Variants in DCLK1 observed in about 807,000 individuals in gnomAD.
The protein encoded by DCLK1 is doublecortin like kinase 1, also known as serine/threonine-protein kinase DCLK1.
In DCLK1, 16 loss-of-function variants were observed where a neutral mutation model predicts 86.2. The observed-to-expected ratio is 0.19, with a 90% CI of 0.13 to 0.28. The LOEUF (loss-of-function observed/expected upper bound fraction) is 0.28, where lower values mean the gene tolerates loss of function less well. Among genes scored for constraint, DCLK1 ranks in the 10% least tolerant of loss-of-function variants. The pLI, the probability that DCLK1 is intolerant of heterozygous loss-of-function variation, is 1.00. For missense variants in DCLK1, 590 were observed against 940.2 expected (o/e 0.63, Z 4.87); for synonymous variants, 369 against 370.5 (o/e 1.00, Z 0.05).
intron 3 of DCLK1, among the ~76,000 whole-genome samples, chr13:36,015,258 G>T (rs1881495763): frequency 6.6e-6 from 1 of 152,128 alleles, no homozygotes; most frequent in Non-Finnish European, 1.5e-5. Flanking sequence ...AAGCTTTCCT[G>T]TTTAGCTTGA....
At chr13:35,893,376 C>A (rs1361826) in intron 4 of DCLK1, among the ~76,000 whole-genome samples, 1 of 152,358 alleles carries the variant, frequency 6.6e-6, no homozygotes, top group Non-Finnish European at 1.5e-5. Flanking sequence ...CCTTAAAGAA[C>A]AAAGGCAAGC....
intron 3 of DCLK1, among the ~76,000 whole-genome samples, chr13:36,017,789 T>C (rs1881598536): frequency 6.6e-6 from 1 of 152,140 alleles, no homozygotes; most frequent in Non-Finnish European, 1.5e-5. Flanking sequence ...TTTTATTTCT[T>C]ACATCCCACA....
chr13:35,778,369 G>A (rs1566526630), intron 16 of DCLK1, among the ~76,000 whole-genome samples: 1 of 152,066 alleles, frequency 6.6e-6, no homozygotes, highest in African/African-American at 2.4e-5. Flanking sequence ...TTCCTTTACT[G>A]GACACTTGAT....
Position 36,008,297 on chromosome 13 carries a change from T to G in DCLK1, c.724-60840A>C, listed in dbSNP as rs1176160521. On this transcript the variant is annotated intron_variant, in intron 3 of 16. Transcript: ENST00000360631. ...TGCAGGTTAGTTACATATGTATACATGTGCCATGCTGGTGCGCTGCACCCA... is the reference window on the plus strand; with the variant it reads ...TGCAGGTTAGTTACATATGTATACAGGTGCCATGCTGGTGCGCTGCACCCA... Among the ~76,000 whole-genome samples the G allele has an allele frequency of 4.2e-5, 5 of 120,412 alleles. No homozygotes were observed. The East Asian group carries it at 1.4e-3, about 33-fold the overall frequency. The allele number at this position is 120,412 out of a possible 152,430, so 79.0% of individuals were successfully genotyped here. A position where few individuals can be genotyped will look rare whatever the true frequency, so the allele number is the denominator to read the frequency against.
At chr13:35,792,216 A>G (rs1011371858) in intron 16 of DCLK1, among the ~76,000 whole-genome samples, 3 of 152,218 alleles carry the variant, frequency 2.0e-5, no homozygotes, top group Non-Finnish European at 4.4e-5. Flanking sequence ...CACTATTGAA[A>G]GGGTTCAATC....
intron 3 of DCLK1, among the ~76,000 whole-genome samples, chr13:36,014,535 A>G (rs982993155): frequency 2.0e-5 from 3 of 152,196 alleles, no homozygotes; most frequent in African/African-American, 7.2e-5. Context: ...TCTAATACAG[A>G]TGAAAGCCCA....
At position 35,996,289 on chromosome 13, in the gene DCLK1, C is replaced by T. The variant is rs377647166; in HGVS notation, c.724-48832G>A. ...TTAAGAAGGAGAGATAGATTAAGGC[C>T]TCCCGTCTTCATCATTCGCTTCAGT... On this transcript the variant is annotated intron_variant, in intron 3 of 16. Transcript: ENST00000360631. 2.0e-3 allele frequency among the ~76,000 whole-genome samples: 305 copies of T among 152,292 alleles called. 1 individual carries two copies. In the Middle Eastern group the frequency reaches 0.02, roughly 10 times the overall value.
At chr13:36,026,490 C>T (rs955053776) in intron 3 of DCLK1, among the ~76,000 whole-genome samples, 1 of 152,186 alleles carries the variant, frequency 6.6e-6, no homozygotes, top group Non-Finnish European at 1.5e-5. Context: ...ATCCATACTA[C>T]ATCTAAGACA....
intron 16 of DCLK1, among the ~76,000 whole-genome samples, chr13:35,776,308 T>TA (rs531983427): frequency 2.0e-4 from 30 of 152,096 alleles, no homozygotes; most frequent in East Asian, 3.9e-4. Flanking sequence ...TGAATGTTTG[T>TA]AAAAAAAACA....
intron 3 of DCLK1, among the ~76,000 whole-genome samples, chr13:36,032,060 T>C (rs1435834941): frequency 9.2e-5 from 14 of 152,350 alleles, no homozygotes; most frequent in Admixed American, 9.1e-4. Flanking sequence ...AACCCCACAG[T>C]GGGTTGTCAA....
intron 6 of DCLK1, among the ~76,000 whole-genome samples, chr13:35,845,588 G>A (rs1326080728): frequency 6.6e-6 from 1 of 152,138 alleles, no homozygotes; most frequent in Non-Finnish European, 1.5e-5. Context: ...TCCTCAATGA[G>A]TTATCGATAT....
intron 4 of DCLK1, among the ~76,000 whole-genome samples, chr13:35,917,346 A>G (rs931351421): frequency 6.6e-6 from 1 of 151,578 alleles, no homozygotes; most frequent in Non-Finnish European, 1.5e-5. Flanking sequence ...AACTAAAACA[A>G]TAACGCTGGA....
intron 6 of DCLK1, among the ~76,000 whole-genome samples, chr13:35,844,378 C>T (rs953576929): frequency 1.3e-5 from 2 of 152,186 alleles, no homozygotes; most frequent in African/African-American, 2.4e-5. Context: ...GACAAATGCA[C>T]TTAGTTACAA....
rs1470740227 is a variant in DCLK1 at position 36,125,995 on chromosome 13, T to C, written c.143A>G (p.Gln48Arg). The C allele has an allele frequency of 6.2e-7, 1 of 1,614,176 alleles. No individual in the cohort carries two copies. The highest frequency in any genetic ancestry group is 8.5e-7 in the Non-Finnish European group (1 of 1,180,014). ...GGCCTTCTTCTCGGAGCTGAGCGTCTGCAGCGTGCGGGTGCGGTAGAAGCT... is the reference window on the plus strand; with the variant it reads ...GGCCTTCTTCTCGGAGCTGAGCGTCCGCAGCGTGCGGGTGCGGTAGAAGCT... ...HCSFYRTRTLQTLSSEKKAKK... is the reference protein window; with the variant it reads ...HCSFYRTRTLRTLSSEKKAKK... Residue 48 changes from glutamine (Q) to arginine (R), a missense_variant, in exon 2 of 17, where the codon CAG (glutamine) becomes CGG (arginine). Gln to Arg is a conservative substitution (Grantham distance 43). Coordinates refer to ENST00000360631, the MANE Select transcript of DCLK1 (RefSeq NM_001330071.2).
At chr13:35,973,380 A>G (rs1038006681) in intron 3 of DCLK1, among the ~76,000 whole-genome samples, 1 of 152,174 alleles carries the variant, frequency 6.6e-6, no homozygotes, top group Non-Finnish European at 1.5e-5. Context: ...TTCAGGACTC[A>G]GAGCAGGGCC....
chr13:35,771,965 C>T lies in DCLK1; in HGVS notation c.*2570G>A, dbSNP rs2086340525. The T allele has an allele frequency of 6.6e-6, 1 of 152,206 alleles. No individual in the cohort carries two copies. The highest frequency in any genetic ancestry group is 1.5e-5 in the Non-Finnish European group (1 of 68,042). 9.4% of individuals were successfully genotyped at this position (152,206 alleles called of 1,614,324 possible). Reference sequence around the variant, plus strand: ...AAGCACTGGCTAAAAGCAAAGCAATCTGGATACACCAATGTAGTCAGCATG... The same window carrying T: ...AAGCACTGGCTAAAAGCAAAGCAATTTGGATACACCAATGTAGTCAGCATG... On this transcript the variant is annotated 3_prime_UTR_variant, in exon 17 of 17. Transcript: ENST00000360631.
chr13:35,853,233 T>A (rs1870783025), intron 6 of DCLK1, among the ~76,000 whole-genome samples: 3 of 152,168 alleles, frequency 2.0e-5, no homozygotes, highest in Admixed American at 1.3e-4. Flanking sequence ...GGAGGTAGAA[T>A]GGAATTATTG....
Position 35,800,735 on chromosome 13 carries a change from T to A in DCLK1, c.1944+4964A>T, listed in dbSNP as rs571293756. On this transcript the variant is annotated intron_variant, in intron 15 of 16. Coordinates refer to ENST00000360631, the MANE Select transcript of DCLK1 (RefSeq NM_001330071.2). ...TCTTTCTTTTTGTTTGTTTGTTTTTTGAGACAGAGTCTCCCTCCATCACCC... is the reference window on the plus strand; with the variant it reads ...TCTTTCTTTTTGTTTGTTTGTTTTTAGAGACAGAGTCTCCCTCCATCACCC... Among the ~76,000 whole-genome samples the A allele has an allele frequency of 5.3e-4, 80 of 152,276 alleles. 1 individual carries two copies. The highest frequency in any genetic ancestry group is 1.9e-3 in the African/African-American group (78 of 41,552).
At chr13:36,029,708 G>A (rs1017228599) in intron 3 of DCLK1, among the ~76,000 whole-genome samples, 1 of 152,086 alleles carries the variant, frequency 6.6e-6, no homozygotes, top group Non-Finnish European at 1.5e-5. Flanking sequence ...GGGTATTTTG[G>A]TTAAAGTTTA....
Sources: gnomAD v4.1 joint callset for allele counts (sites outside exome capture counted in the v4.1 genomes callset) on GRCh38, gnomAD v4.1.1 for gene constraint, MANE v1.5 for transcripts, NCBI Gene and HGNC (gene_info 2026-07-23, HGNC 2026-07-21) for gene names.